The following CFAP299 variants were observed in gnomAD, a reference collection of about 807,000 sequenced individuals.
CFAP299 encodes the protein cilia and flagella associated protein 299.
Under a neutral mutation model 27.0 loss-of-function variants are expected in CFAP299, and 21 were observed. That is an observed-to-expected ratio of 0.78 (90% CI 0.55 to 1.12). The LOEUF (loss-of-function observed/expected upper bound fraction) is 1.12, where lower values mean the gene tolerates loss of function less well. CFAP299 is among the 50% of genes most tolerant of loss of function. CFAP299 has a pLI of 0.00. For missense variants in CFAP299, 310 were observed against 276.6 expected, an observed-to-expected ratio of 1.12 and a Z score of -0.86; for synonymous variants, 104 against 98.1, an observed-to-expected ratio of 1.06 and a Z score of -0.36.
At chr4:80,691,324 A>G (rs1271562280) in intron 3 of CFAP299, among the ~76,000 whole-genome samples, 2 of 130,896 alleles carry the variant, frequency 1.5e-5, no homozygotes, top group African/African-American at 5.9e-5. Context: ...ATCCAGCAGC[A>G]CATCAAAAAG....
chr4:80,811,704 G>C lies in CFAP299; in HGVS notation c.334-58289G>C, dbSNP rs143026446. 5.0e-3 allele frequency among the ~76,000 whole-genome samples: 765 copies of C among 152,230 alleles called. 3 individuals carry two copies. Among genetic ancestry groups the C allele is most frequent in the Non-Finnish European group, 7.5e-3 (513 of 67,998 alleles). On this transcript the variant is annotated intron_variant, in intron 3 of 5. Coordinates refer to ENST00000358105, the MANE Select transcript of CFAP299 (RefSeq NM_152770.3). ...TGAGTTGAGAAGCTGCATTGCTGGA[G>C]AGTCAGTTGTAAAGGACTTCAAAGA...
chr4:80,721,375 T>A (rs1369085067), intron 3 of CFAP299, among the ~76,000 whole-genome samples: 1 of 152,338 alleles, frequency 6.6e-6, no homozygotes, highest in East Asian at 1.9e-4. Context: ...AAGCTACATG[T>A]CTGAGATAAA....
intron 3 of CFAP299, among the ~76,000 whole-genome samples, chr4:80,817,508 T>A (rs570244482): frequency 1.7e-4 from 26 of 152,214 alleles, no homozygotes; most frequent in Admixed American, 7.2e-4. Context: ...TGGTCCCTTA[T>A]GTCATCATGC....
intron 3 of CFAP299, among the ~76,000 whole-genome samples, chr4:80,819,482 GT>G: frequency 6.6e-6 from 1 of 152,192 alleles, no homozygotes; most frequent in South Asian, 2.1e-4. Flanking sequence ...ACATAAGTAA[GT>G]TTTCAAGTCA....
intron 2 of CFAP299, among the ~76,000 whole-genome samples, chr4:80,375,436 G>T (rs1724358301): frequency 6.6e-6 from 1 of 152,018 alleles, no homozygotes; most frequent in Non-Finnish European, 1.5e-5. Context: ...CATACCTTGT[G>T]TTGGGCCTGT....
chr4:80,378,909 C>A (rs1724556332), intron 2 of CFAP299, among the ~76,000 whole-genome samples: 1 of 151,684 alleles, frequency 6.6e-6, no homozygotes, highest in Non-Finnish European at 1.5e-5. Context: ...TGTCTTTAGT[C>A]TTTTTGTAAG....
chr4:80,875,203 G>A (rs1367824494), intron 4 of CFAP299, among the ~76,000 whole-genome samples: 1 of 152,108 alleles, frequency 6.6e-6, no homozygotes, highest in Non-Finnish European at 1.5e-5. Context: ...TAGGTATGAT[G>A]TAAAAAGCCA....
chr4:80,386,628 G>T, intron 2 of CFAP299: 1 of 1,597,596 alleles, frequency 6.3e-7, no homozygotes, highest in Non-Finnish European at 8.6e-7. Flanking sequence ...CCAGCATAGC[G>T]GAACTTGTAG....
chr4:80,416,689 A>G (rs1007407361), intron 2 of CFAP299, among the ~76,000 whole-genome samples: 1 of 152,232 alleles, frequency 6.6e-6, no homozygotes, highest in Admixed American at 6.5e-5. Flanking sequence ...ACATTGCATC[A>G]TTGTATTACA....
At chr4:80,444,052 A>T (rs2110089411) in intron 2 of CFAP299, among the ~76,000 whole-genome samples, 1 of 152,326 alleles carries the variant, frequency 6.6e-6, no homozygotes, top group Non-Finnish European at 1.5e-5. Context: ...ATGGGAAAAC[A>T]TTCCATGCTC....
intron 3 of CFAP299, among the ~76,000 whole-genome samples, chr4:80,606,990 A>G (rs1266256706): frequency 6.6e-6 from 1 of 152,286 alleles, no homozygotes; most frequent in African/African-American, 2.4e-5. Flanking sequence ...GCATTCAGTA[A>G]TGTTTGCAGA....
At chr4:80,845,611 T>C (rs1731141564) in intron 3 of CFAP299, among the ~76,000 whole-genome samples, 1 of 152,144 alleles carries the variant, frequency 6.6e-6, no homozygotes. Context: ...TTCACGCACA[T>C]CTTCCCCTGG....
At chr4:80,890,115 G>T (rs1335583386) in intron 4 of CFAP299, among the ~76,000 whole-genome samples, 3 of 152,012 alleles carry the variant, frequency 2.0e-5, no homozygotes, top group Admixed American at 1.3e-4. Context: ...AATAGTACTG[G>T]AAGTCCTAGC....
At chr4:80,856,096 A>T (rs1303945373) in intron 3 of CFAP299, among the ~76,000 whole-genome samples, 1 of 151,524 alleles carries the variant, frequency 6.6e-6, no homozygotes, top group Non-Finnish European at 1.5e-5. Flanking sequence ...AATGATTGCC[A>T]TTCTAACTGG....
At chr4:80,656,204 A>G (rs574664103) in intron 3 of CFAP299, among the ~76,000 whole-genome samples, 1 of 152,210 alleles carries the variant, frequency 6.6e-6, no homozygotes, top group African/African-American at 2.4e-5. Flanking sequence ...TATTATTATT[A>G]CAGGACCATT....
intron 3 of CFAP299, among the ~76,000 whole-genome samples, chr4:80,674,003 G>T (rs1373273615): frequency 1.3e-5 from 2 of 151,822 alleles, no homozygotes; most frequent in East Asian, 3.9e-4. Flanking sequence ...TTTTAATTGG[G>T]GCATTTAGCC....
chr4:80,922,791 TA>T (rs1246548090), intron 4 of CFAP299, among the ~76,000 whole-genome samples: 3 of 150,786 alleles, frequency 2.0e-5, no homozygotes, highest in Non-Finnish European at 4.4e-5. Context: ...TGCTCCCAAC[TA>T]AAAATCTTAA....
At chr4:80,372,170 A>G (rs1303319704) in intron 2 of CFAP299, among the ~76,000 whole-genome samples, 2 of 152,234 alleles carry the variant, frequency 1.3e-5, no homozygotes, top group African/African-American at 4.8e-5. Flanking sequence ...CATTTCACAC[A>G]GACTTAGCAG....
chr4:80,914,384 A>G (rs950173160), intron 4 of CFAP299, among the ~76,000 whole-genome samples: 1 of 152,102 alleles, frequency 6.6e-6, no homozygotes, highest in African/African-American at 2.4e-5. Flanking sequence ...GTGTAGTATC[A>G]GATTTCTTAA....
Sources: allele counts gnomAD v4.1 joint callset (sites outside exome capture counted in the v4.1 genomes callset), GRCh38; gene constraint gnomAD v4.1.1; transcripts MANE v1.5; gene names NCBI Gene and HGNC (gene_info 2026-07-23, HGNC 2026-07-21).